Variants in GPHN observed in about 807,000 individuals in gnomAD.
GPHN encodes the protein gephyrin.
In GPHN, 17 loss-of-function variants were observed where a neutral mutation model predicts 95.5. That is an observed-to-expected ratio of 0.18 (90% CI 0.12 to 0.27). GPHN has a LOEUF of 0.27. GPHN is among the 10% of genes least tolerant of loss of function. GPHN has a pLI of 1.00. For synonymous variants in GPHN, 320 were observed against 322.5 expected (o/e 0.99, Z 0.08); for missense variants, 660 against 978.1 (o/e 0.67, Z 4.34).
chr14:67,658,241 C>T, the GPHN span, among the ~76,000 whole-genome samples: 7 of 152,184 alleles, frequency 4.6e-5, no homozygotes, highest in African/African-American at 1.7e-4. Flanking sequence ...AAATGAACTT[C>T]AGACAGATTT....
the GPHN span, among the ~76,000 whole-genome samples, chr14:67,320,814 G>C: frequency 6.6e-6 from 1 of 152,122 alleles, no homozygotes; most frequent in Non-Finnish European, 1.5e-5. Context: ...GTAACTTGAA[G>C]TGTAAGCATA....
the GPHN span, among the ~76,000 whole-genome samples, chr14:67,694,567 T>C: frequency 6.6e-6 from 1 of 151,624 alleles, no homozygotes; most frequent in African/African-American, 2.4e-5. Flanking sequence ...CTATTTTCAG[T>C]TCTGGTTCAA....
At chr14:67,174,465 T>G (rs1378211832) in intron 21 of GPHN, among the ~76,000 whole-genome samples, 4 of 152,236 alleles carry the variant, frequency 2.6e-5, no homozygotes, top group Non-Finnish European at 5.9e-5. Flanking sequence ...CACATTTTCT[T>G]TATCCAGTCT....
chr14:67,492,190 G>A, the GPHN span, among the ~76,000 whole-genome samples: 2 of 152,018 alleles, frequency 1.3e-5, no homozygotes, highest in African/African-American at 2.4e-5. Flanking sequence ...GTGGTCTCTG[G>A]TCCCACGTCT....
intron 1 of GPHN, among the ~76,000 whole-genome samples, chr14:66,605,983 G>A (rs1442727536): frequency 6.6e-6 from 1 of 152,084 alleles, no homozygotes; most frequent in Non-Finnish European, 1.5e-5. Context: ...TCTGTGCAGA[G>A]CTATTTAGTT....
chr14:67,701,448 G>A, the GPHN span, among the ~76,000 whole-genome samples: 5 of 59,278 alleles, frequency 8.4e-5, no homozygotes, highest in South Asian at 2.5e-3. Flanking sequence ...TTTTTTTTTT[G>A]AGATGGAGTC....
intron 3 of GPHN, among the ~76,000 whole-genome samples, chr14:66,803,941 A>C (rs544588691): frequency 1.4e-4 from 21 of 152,006 alleles, no homozygotes; most frequent in Admixed American, 1.2e-3. Context: ...ATTTTCTTGA[A>C]CATATTAATC....
At chr14:66,639,660 A>G (rs1043280782) in intron 1 of GPHN, among the ~76,000 whole-genome samples, 5 of 151,896 alleles carry the variant, frequency 3.3e-5, no homozygotes, top group African/African-American at 1.2e-4. Flanking sequence ...CTTGAAGCTT[A>G]TTTTAAAGTT....
At chr14:67,207,459 C>T in the GPHN span, among the ~76,000 whole-genome samples, 22 of 152,158 alleles carry the variant, frequency 1.4e-4, no homozygotes, top group Admixed American at 8.5e-4. Flanking sequence ...GATCTGCCCC[C>T]GAGACCTAAA....
chr14:66,742,660 C>G (rs1236599680), intron 2 of GPHN, among the ~76,000 whole-genome samples: 1 of 152,172 alleles, frequency 6.6e-6, no homozygotes, highest in Non-Finnish European at 1.5e-5. Flanking sequence ...TATTAAAATA[C>G]TATTTTTCTT....
At chr14:66,926,001 A>G (rs1006001483) in intron 8 of GPHN, among the ~76,000 whole-genome samples, 14 of 152,224 alleles carry the variant, frequency 9.2e-5, no homozygotes, top group African/African-American at 2.7e-4. Flanking sequence ...CTGATGATCA[A>G]TAATGATGAG....
chr14:67,668,712 A>G, the GPHN span, among the ~76,000 whole-genome samples: 1 of 152,220 alleles, frequency 6.6e-6, no homozygotes, highest in South Asian at 2.1e-4. Context: ...TTTCACACTT[A>G]GCCTTCATCA....
intron 1 of GPHN, among the ~76,000 whole-genome samples, chr14:66,656,552 C>T (rs555043710): frequency 6.6e-6 from 1 of 152,212 alleles, no homozygotes; most frequent in East Asian, 1.9e-4. Context: ...TTATGGCAAT[C>T]CTGCATCAAG....
chr14:67,549,140 T>G, the GPHN span, among the ~76,000 whole-genome samples: 4 of 152,228 alleles, frequency 2.6e-5, no homozygotes, highest in Non-Finnish European at 5.9e-5. Context: ...GAAGTTTGCA[T>G]AAAATCATCA....
chr14:67,392,758 G>C, the GPHN span: 1 of 1,614,088 alleles, frequency 6.2e-7, no homozygotes, highest in Non-Finnish European at 8.5e-7. Context: ...GCCTGAGGAA[G>C]TTCTCCTCCA....
In GPHN at chr14:67,143,478, A is replaced by G. The variant is rs142575845; in HGVS notation, c.1836+29A>G. 8.0e-4 allele frequency: 1,019 copies of G among 1,271,582 alleles called. 6 individuals are homozygous for G. The African/African-American group carries it at 0.013, about 17-fold the overall frequency. The allele number at this position is 1,271,582 out of a possible 1,614,324, so 78.8% of individuals were successfully genotyped here. On this transcript the variant is annotated intron_variant, in intron 18 of 22. Coordinates refer to ENST00000478722, the MANE Select transcript of GPHN (RefSeq NM_020806.5). ...TGAAAGATAGGGCTCGTGAAAATGT[A>G]TCTGCTGTAATGTTCTTGCATATGG...
At chr14:66,891,284 A>G (rs1469883286) in intron 5 of GPHN, among the ~76,000 whole-genome samples, 1 of 152,206 alleles carries the variant, frequency 6.6e-6, no homozygotes, top group South Asian at 2.1e-4. Context: ...TACAATGACA[A>G]TAAACTATCC....
At chr14:67,230,405 C>A in the GPHN span, among the ~76,000 whole-genome samples, 1 of 151,996 alleles carries the variant, frequency 6.6e-6, no homozygotes, top group South Asian at 2.1e-4. Context: ...CAAAGTGATA[C>A]CCTGTCTCCA....
chr14:66,693,679 A>G (rs929225026), intron 2 of GPHN, among the ~76,000 whole-genome samples: 2 of 152,174 alleles, frequency 1.3e-5, no homozygotes, highest in Admixed American at 1.3e-4. Flanking sequence ...TACTCAGCCT[A>G]TGGACTCACT....
Sources: allele counts gnomAD v4.1 joint callset (sites outside exome capture counted in the v4.1 genomes callset), GRCh38; gene constraint gnomAD v4.1.1; transcripts MANE v1.5; gene names NCBI Gene and HGNC (gene_info 2026-07-23, HGNC 2026-07-21).